The following IQCK variants were observed in gnomAD, a reference collection of about 807,000 sequenced individuals.
IQCK encodes the protein IQ domain-containing protein K.
IQCK carries 29 observed loss-of-function variants against 28.1 expected under a neutral mutation model. The ratio of observed to expected loss-of-function variants is 1.03; its 90% confidence interval spans 0.77 to 1.41. The LOEUF (loss-of-function observed/expected upper bound fraction) is 1.41, where lower values mean the gene tolerates loss of function less well. IQCK is among the 40% of genes most tolerant of loss of function. The pLI is 0.00. For missense variants in IQCK, 359 were observed against 314.7 expected (o/e 1.14, Z -1.07); for synonymous variants, 113 against 115.1 (o/e 0.98, Z 0.12).
chr16:19,735,785 G>A (rs761907406), intron 4 of IQCK: 9 of 341,400 alleles, frequency 2.6e-5, no homozygotes, highest in Non-Finnish European at 4.5e-5. Context: ...CTCCTTGGCC[G>A]GGCACGGTGG....
At chr16:19,833,352 A>G (rs950183045) in intron 9 of IQCK, among the ~76,000 whole-genome samples, 3 of 152,202 alleles carry the variant, frequency 2.0e-5, no homozygotes, top group Non-Finnish European at 4.4e-5. Context: ...TGTTCGGGAA[A>G]TACTCAGCGC....
chr16:19,774,398 C>CTT (rs1167894201), intron 6 of IQCK, among the ~76,000 whole-genome samples: 1,162 of 103,980 alleles, frequency 0.011, 139 homozygotes, highest in African/African-American at 0.036. Context: ...TTAGCTAATA[C>CTT]TTTTTTTTTT....
At chr16:19,824,325 C>T (rs1363013253) in intron 7 of IQCK, among the ~76,000 whole-genome samples, 2 of 152,156 alleles carry the variant, frequency 1.3e-5, no homozygotes, top group Admixed American at 1.3e-4. Context: ...ATTCATGCTC[C>T]TATGAGAATC....
chr16:19,827,990 G>A (rs1189991363), downstream of IQCK, among the ~76,000 whole-genome samples: 1 of 151,840 alleles, frequency 6.6e-6, no homozygotes, highest in African/African-American at 2.4e-5. Context: ...TTGGTTCACT[G>A]CAACCTCCGC....
At chr16:19,742,878 G>T (rs60454015) in intron 4 of IQCK, among the ~76,000 whole-genome samples, 2 of 152,178 alleles carry the variant, frequency 1.3e-5, no homozygotes, top group East Asian at 3.9e-4. Context: ...ATTCTCAAAA[G>T]ATGGGGCTGG....
At chr16:19,738,768 A>G (rs867182262) in intron 4 of IQCK, among the ~76,000 whole-genome samples, 1 of 152,204 alleles carries the variant, frequency 6.6e-6, no homozygotes, top group South Asian at 2.1e-4. Context: ...TGTGGGTTAC[A>G]CCTGCTACCT....
chr16:19,798,453 A>G (rs928546866), intron 7 of IQCK, among the ~76,000 whole-genome samples: 1 of 115,382 alleles, frequency 8.7e-6, no homozygotes, highest in Non-Finnish European at 1.5e-5. Context: ...TATTTCGGTC[A>G]CTTACAGCCT....
At chr16:19,739,550 C>T (rs765079502) in intron 4 of IQCK, among the ~76,000 whole-genome samples, 3 of 152,208 alleles carry the variant, frequency 2.0e-5, no homozygotes, top group Non-Finnish European at 2.9e-5. Flanking sequence ...TGTGGTGGCT[C>T]ATGCCTATAA....
chr16:19,738,874 C>G (rs999553919), intron 4 of IQCK, among the ~76,000 whole-genome samples: 1 of 152,116 alleles, frequency 6.6e-6, no homozygotes, highest in African/African-American at 2.4e-5. Context: ...AGTGATCTCG[C>G]AAGGAGGGTT....
chr16:19,809,531 CA>C (rs2055875909), intron 7 of IQCK, among the ~76,000 whole-genome samples: 1 of 152,140 alleles, frequency 6.6e-6, no homozygotes, highest in African/African-American at 2.4e-5. Flanking sequence ...ATCCAGGGGA[CA>C]AAAACAAAAA....
intron 9 of IQCK, among the ~76,000 whole-genome samples, chr16:19,845,032 G>C (rs563690595): frequency 6.6e-6 from 1 of 152,172 alleles, no homozygotes; most frequent in East Asian, 1.9e-4. Context: ...TCGAACTCCT[G>C]GGCTCAAGAG....
chr16:19,778,819 A>G lies in IQCK; in HGVS notation c.606-10019A>G, dbSNP rs762977278. ...GGTTTTTCCTTTTAGTGCCCTCAAG[A>G]TGTCCACATCCAATTCCCAGACCTT... On this transcript the variant is annotated intron_variant, in intron 6 of 7. Coordinates refer to ENST00000564186, the Ensembl canonical transcript of IQCK. Among the ~76,000 whole-genome samples, 92 of 152,270 alleles carry G rather than the reference A, an allele frequency of 6.0e-4. 1 individual carries two copies. The highest frequency in any genetic ancestry group is 8.8e-4 in the Non-Finnish European group (60 of 68,016).
intron 7 of IQCK, among the ~76,000 whole-genome samples, chr16:19,824,161 A>G (rs1296690965): frequency 6.6e-6 from 1 of 152,154 alleles, no homozygotes; most frequent in Non-Finnish European, 1.5e-5. Context: ...ACTCACCATC[A>G]TGTAGAATCA....
rs570263272 is a variant in IQCK at position 19,734,893 on chromosome 16, C to T, written c.377-460C>T. Among the ~76,000 whole-genome samples the T allele has an allele frequency of 3.3e-5, 5 of 152,176 alleles. No individual in the cohort carries two copies. In the South Asian group the frequency reaches 1.0e-3, roughly 32 times the overall value. On this transcript the variant is annotated intron_variant, in intron 3 of 7. Coordinates refer to ENST00000564186, the Ensembl canonical transcript of IQCK. ...TCTGAGTCGTAGTTCCTTGGGCCCT[C>T]CCTGGTACCAGACCCTCTCCTACTG...
At chr16:19,851,358 A>AT (rs2056479292) in intron 9 of IQCK, among the ~76,000 whole-genome samples, 1 of 152,054 alleles carries the variant, frequency 6.6e-6, no homozygotes, top group Non-Finnish European at 1.5e-5. Context: ...AGGAATCTAT[A>AT]TTTTCACCCC....
At chr16:19,785,059 C>T (rs541639225) in intron 6 of IQCK, among the ~76,000 whole-genome samples, 13 of 152,202 alleles carry the variant, frequency 8.5e-5, no homozygotes, top group African/African-American at 1.2e-4. Flanking sequence ...CCATGAGCCA[C>T]GGCGCCCCGC....
At chr16:19,854,686 ACT>A (rs1314689425) in intron 9 of IQCK, among the ~76,000 whole-genome samples, 1 of 151,782 alleles carries the variant, frequency 6.6e-6, no homozygotes, top group Non-Finnish European at 1.5e-5. Flanking sequence ...CCTCTTCCCA[ACT>A]CTGTTACGTT....
chr16:19,784,568 A>G (rs1273622404), intron 6 of IQCK, among the ~76,000 whole-genome samples: 1 of 152,182 alleles, frequency 6.6e-6, no homozygotes, highest in African/African-American at 2.4e-5. Flanking sequence ...TGTGCCAGAC[A>G]TTGTCCTAAG....
At chr16:19,763,775 A>G (rs2055186347) in intron 4 of IQCK, 73 bp from the exon 5 acceptor site, 15 of 1,163,694 alleles carry the variant, frequency 1.3e-5, no homozygotes, top group Non-Finnish European at 1.8e-5. Flanking sequence ...AGTCATGTAT[A>G]AGTAGACCTG....
Sources: gnomAD v4.1 joint callset for allele counts (sites outside exome capture counted in the v4.1 genomes callset) on GRCh38, gnomAD v4.1.1 for gene constraint, MANE v1.5 for transcripts, NCBI Gene and HGNC (gene_info 2026-07-23, HGNC 2026-07-21) for gene names.